Variants in DYNC1I1 observed in about 807,000 individuals in gnomAD.
DYNC1I1 encodes the protein dynein cytoplasmic 1 intermediate chain 1, also known as cytoplasmic dynein 1 intermediate chain 1.
Under a neutral mutation model 86.6 loss-of-function variants are expected in DYNC1I1, and 43 were observed. That is an observed-to-expected ratio of 0.50 (90% CI 0.39 to 0.64). The LOEUF is 0.64. DYNC1I1 is among the 30% of genes least tolerant of loss of function. The pLI is 0.00. For missense variants in DYNC1I1, 604 were observed against 788.8 expected, an observed-to-expected ratio of 0.77 and a Z score of 2.81; for synonymous variants, 262 against 283.7, an observed-to-expected ratio of 0.92 and a Z score of 0.77.
At chr7:95,957,979 A>G (rs572629618) in intron 6 of DYNC1I1, among the ~76,000 whole-genome samples, 12 of 152,300 alleles carry the variant, frequency 7.9e-5, no homozygotes, top group Non-Finnish European at 1.5e-4. Flanking sequence ...TCTATATGTC[A>G]TAGGTCAGAG....
chr7:95,963,966 C>A (rs566071117), intron 6 of DYNC1I1, among the ~76,000 whole-genome samples: 3 of 152,192 alleles, frequency 2.0e-5, no homozygotes, highest in African/African-American at 7.2e-5. Context: ...TAGCTTTCTT[C>A]TTTTATAATT....
At chr7:96,015,988 C>A (rs1461078479) in intron 10 of DYNC1I1, among the ~76,000 whole-genome samples, 1 of 152,098 alleles carries the variant, frequency 6.6e-6, no homozygotes, top group Non-Finnish European at 1.5e-5. Context: ...CCTGGTTCAT[C>A]TTTGTGCCTT....
intron 14 of DYNC1I1, among the ~76,000 whole-genome samples, chr7:96,059,704 T>C (rs1244240180): frequency 6.6e-6 from 1 of 152,152 alleles, no homozygotes; most frequent in African/African-American, 2.4e-5. Context: ...GGGGACACTT[T>C]AATAGATACG....
chr7:95,846,501 A>C (rs1789429375), intron 5 of DYNC1I1, among the ~76,000 whole-genome samples: 1 of 152,234 alleles, frequency 6.6e-6, no homozygotes, highest in African/African-American at 2.4e-5. Context: ...ATGACTTTTT[A>C]AATGTGAACA....
In DYNC1I1 at chr7:95,785,760, T is replaced by C. The variant is rs568425753; in HGVS notation, c.-10+12987T>C. The stretch of plus-strand genomic sequence containing the variant: ...GTATATATATATGTGTGTATGTATA[T>C]ATATGTGTGTATGTGTATATATATA... On this transcript the variant is annotated intron_variant, in intron 1 of 16. Transcript: ENST00000447467. 4.2e-3 allele frequency among the ~76,000 whole-genome samples: 542 copies of C among 128,948 alleles called. 6 individuals are homozygous for C. Among genetic ancestry groups the C allele is most frequent in the African/African-American group, 0.015 (525 of 35,282 alleles). The allele number at this position is 128,948 out of a possible 152,430, so 84.6% of individuals were successfully genotyped here.
chr7:95,795,950 G>T (rs1584230982), intron 1 of DYNC1I1, among the ~76,000 whole-genome samples: 1 of 150,880 alleles, frequency 6.6e-6, no homozygotes, highest in Admixed American at 6.6e-5. Flanking sequence ...ATGATGGTTT[G>T]CAAACTCCTC....
chr7:95,829,340 G>A (rs987553829), intron 5 of DYNC1I1, among the ~76,000 whole-genome samples: 2 of 152,064 alleles, frequency 1.3e-5, no homozygotes, highest in African/African-American at 4.8e-5. Flanking sequence ...TAACATTTAG[G>A]TAACCGATGC....
intron 14 of DYNC1I1, among the ~76,000 whole-genome samples, chr7:96,063,785 A>T (rs978552597): frequency 1.3e-5 from 2 of 152,200 alleles, no homozygotes; most frequent in African/African-American, 2.4e-5. Context: ...GAGGGTGATA[A>T]TTCCACCCAT....
intron 3 of DYNC1I1, 126 bp from the exon 4 acceptor site, chr7:95,813,121 C>A: frequency 1.7e-5 from 22 of 1,292,050 alleles, no homozygotes; most frequent in African/African-American, 6.6e-5. Flanking sequence ...TATCCCATCT[C>A]AATGTCTCCT....
intron 14 of DYNC1I1, among the ~76,000 whole-genome samples, chr7:96,071,644 C>T (rs1321490018): frequency 6.6e-6 from 1 of 152,174 alleles, no homozygotes; most frequent in African/African-American, 2.4e-5. Context: ...TCTAAAGGAC[C>T]ATTCCTGTAC....
intron 5 of DYNC1I1, among the ~76,000 whole-genome samples, chr7:95,850,102 T>C (rs1789538311): frequency 6.6e-6 from 1 of 152,210 alleles, no homozygotes; most frequent in South Asian, 2.1e-4. Flanking sequence ...CTGAAGGTTT[T>C]TTAGTGAAGT....
intron 10 of DYNC1I1, among the ~76,000 whole-genome samples, chr7:96,021,151 A>G (rs1794539244): frequency 6.6e-6 from 1 of 152,216 alleles, no homozygotes; most frequent in Non-Finnish European, 1.5e-5. Context: ...ACACTTGAAA[A>G]TGGTTAAGAT....
chr7:95,777,560 C>G (rs1407535764), intron 1 of DYNC1I1, among the ~76,000 whole-genome samples: 2 of 152,148 alleles, frequency 1.3e-5, no homozygotes, highest in Admixed American at 1.3e-4. Flanking sequence ...AGCAGCTGTT[C>G]TTGCTTCCAA....
chr7:95,778,009 G>A (rs73708587), intron 1 of DYNC1I1, among the ~76,000 whole-genome samples: 1,961 of 152,204 alleles, frequency 0.013, 35 homozygotes, highest in African/African-American at 0.042. Flanking sequence ...AAATAAAACC[G>A]TGACATCATT....
intron 2 of DYNC1I1, among the ~76,000 whole-genome samples, chr7:95,807,933 A>C (rs1314563034): frequency 6.6e-6 from 1 of 152,080 alleles, no homozygotes; most frequent in African/African-American, 2.4e-5. Flanking sequence ...TTTTTTAATC[A>C]TTGAGTCAAT....
intron 4 of DYNC1I1, among the ~76,000 whole-genome samples, chr7:95,816,283 A>G (rs932767707): frequency 6.6e-6 from 1 of 152,162 alleles, no homozygotes; most frequent in Non-Finnish European, 1.5e-5. Context: ...TGGCCTCCCA[A>G]AGTGCTGGGA....
Position 95,873,319 on chromosome 7 carries a change from C to G in DYNC1I1, c.490+3321C>G, listed in dbSNP as rs186059703. 5.3e-5 allele frequency among the ~76,000 whole-genome samples: 8 copies of G among 152,222 alleles called. No homozygotes were observed. In the South Asian group the frequency reaches 8.3e-4, roughly 16 times the overall value. Reference sequence around the variant, plus strand: ...TGATTTGCCATAGACACTTGGGGCACCATTGGGTCAGCTGGACCATAATTT... The same window carrying G: ...TGATTTGCCATAGACACTTGGGGCAGCATTGGGTCAGCTGGACCATAATTT... On this transcript the variant is annotated intron_variant, in intron 6 of 16. Coordinates refer to ENST00000447467, the MANE Select transcript of DYNC1I1 (RefSeq NM_001135556.2).
At chr7:95,992,336 G>A (rs1225166414) in intron 9 of DYNC1I1, among the ~76,000 whole-genome samples, 1 of 152,094 alleles carries the variant, frequency 6.6e-6, no homozygotes, top group African/African-American at 2.4e-5. Flanking sequence ...ACCTGTCATG[G>A]TGCCTTACAT....
chr7:96,066,154 C>A (rs1454865362), intron 14 of DYNC1I1, among the ~76,000 whole-genome samples: 1 of 152,140 alleles, frequency 6.6e-6, no homozygotes, highest in Non-Finnish European at 1.5e-5. Flanking sequence ...CTGTCCCCAC[C>A]TCTCATCTTT....
Sources: allele counts gnomAD v4.1 joint callset (sites outside exome capture counted in the v4.1 genomes callset), GRCh38; gene constraint gnomAD v4.1.1; transcripts MANE v1.5; gene names NCBI Gene and HGNC (gene_info 2026-07-23, HGNC 2026-07-21).